Variants in LZIC observed in about 807,000 individuals in gnomAD.
LZIC encodes the protein leucine zipper and CTNNBIP1 domain containing.
In LZIC, 28 loss-of-function variants were observed where a neutral mutation model predicts 25.4. The observed-to-expected ratio is 1.10, with a 90% CI of 0.82 to 1.51. LZIC has a LOEUF of 1.51. Among genes scored for constraint, LZIC ranks in the 40% most tolerant of loss-of-function variants. The probability of loss-of-function intolerance (pLI) is 0.00; values close to 1 mark genes in which losing one functional copy is unlikely to be tolerated. For missense variants in LZIC, 170 were observed against 211.1 expected, an observed-to-expected ratio of 0.81 and a Z score of 1.21; for synonymous variants, 65 against 70.7, an observed-to-expected ratio of 0.92 and a Z score of 0.40.
At chr1:9,933,998 G>A (rs1640348787) in intron 5 of LZIC, among the ~76,000 whole-genome samples, 1 of 151,858 alleles carries the variant, frequency 6.6e-6, no homozygotes, top group African/African-American at 2.4e-5. Context: ...AGGCTGAGGC[G>A]GGCAGATCAC....
chr1:9,936,006 G>A (rs1485127167), intron 3 of LZIC, among the ~76,000 whole-genome samples: 1 of 151,868 alleles, frequency 6.6e-6, no homozygotes, highest in Non-Finnish European at 1.5e-5. Context: ...GTGCATGCCT[G>A]TAATCCCAGC....
intron 7 of LZIC, among the ~76,000 whole-genome samples, chr1:9,931,233 A>T (rs898446987): frequency 4.0e-5 from 6 of 150,868 alleles, no homozygotes. Flanking sequence ...CACCTAGCTA[A>T]TTTTTTTTCT....
chr1:9,935,651 A>G, intron 3 of LZIC, 24 bp from the exon 4 acceptor site: 2 of 1,576,654 alleles, frequency 1.3e-6, no homozygotes, highest in Non-Finnish European at 1.7e-6. Flanking sequence ...ACATCATGAT[A>G]TGGAAAAATG....
chr1:9,930,076 A>G lies in LZIC; in HGVS notation c.*323T>C, dbSNP rs980936523. 2 of 1,069,338 alleles carry G rather than the reference A, an allele frequency of 1.9e-6. No individual in the cohort carries two copies. Among genetic ancestry groups the G allele is most frequent in the East Asian group, 1.3e-4 (2 of 15,790 alleles). 66.2% of individuals were successfully genotyped at this position (1,069,338 alleles called of 1,614,324 possible). ...ATCATTACTTCACATCTTTTCGTTCACTATCAACACTTAAAAACAAACAGC... is the reference window on the plus strand; with the variant it reads ...ATCATTACTTCACATCTTTTCGTTCGCTATCAACACTTAAAAACAAACAGC... On this transcript the variant is annotated 3_prime_UTR_variant, in exon 8 of 8. Coordinates refer to ENST00000377223, the MANE Select transcript of LZIC (RefSeq NM_032368.5).
rs1056606682 is a variant in LZIC at position 9,930,153 on chromosome 1, A to T, written c.*246T>A. ...TTTCTCTCTTAAACAGACAAATCAT[A>T]ACGAACAGAGTCCAGTGAGTCCCTC... On this transcript the variant is annotated 3_prime_UTR_variant, in exon 8 of 8. Coordinates refer to ENST00000377223, the MANE Select transcript of LZIC (RefSeq NM_032368.5). 144 of 1,253,526 alleles carry T rather than the reference A, an allele frequency of 1.1e-4. No homozygotes were observed. The highest frequency in any genetic ancestry group is 1.4e-4 in the Non-Finnish European group (142 of 992,728). 77.7% of individuals were successfully genotyped at this position (1,253,526 alleles called of 1,614,324 possible).
downstream of LZIC, chr1:9,922,324 G>C (rs560898721): frequency 1.0e-6 from 1 of 985,336 alleles, no homozygotes; most frequent in East Asian, 1.1e-4. Flanking sequence ...TGGGGTGTGA[G>C]TCTAGCAGGT....
chr1:9,942,118 T>C (rs1557448232), intron 2 of LZIC, among the ~76,000 whole-genome samples: 1 of 151,914 alleles, frequency 6.6e-6, no homozygotes, highest in Admixed American at 6.6e-5. Flanking sequence ...GGTTTCACCA[T>C]GTTGTCCAGG....
rs1640027157 is a variant in LZIC at position 9,927,516 on chromosome 1, G to A, written c.*2883C>T. Among the ~76,000 whole-genome samples the A allele has an allele frequency of 6.6e-6, 1 of 150,984 alleles. No homozygotes were observed. Among genetic ancestry groups the A allele is most frequent in the Admixed American group, 6.6e-5 (1 of 15,086 alleles). ...AGGGTTTCACCATGTTGGCCAGGCT[G>A]GTCTCAAATCCTGAGTTCAGGCGAT... On this transcript the variant is annotated 3_prime_UTR_variant, in exon 8 of 8. Transcript: ENST00000377223.
At chr1:9,934,633 T>C in intron 5 of LZIC, 129 bp downstream of exon 5, 1 of 749,982 alleles carries the variant, frequency 1.3e-6, no homozygotes, top group Admixed American at 2.2e-5. Context: ...AAAGTACTAA[T>C]TTTGTCAGAA....
chr1:9,929,190 C>G lies in LZIC; in HGVS notation c.*1209G>C, dbSNP rs1315380071. On this transcript the variant is annotated 3_prime_UTR_variant, in exon 8 of 8. Coordinates refer to ENST00000377223, the MANE Select transcript of LZIC (RefSeq NM_032368.5). ...TGAATTTTATGATATATGAATTTCA[C>G]CTCTTTTAAGTTCCAAATAAGGCAT... 2 of 457,864 alleles carry G rather than the reference C, an allele frequency of 4.4e-6. No individual in the cohort carries two copies. Among genetic ancestry groups the G allele is most frequent in the Non-Finnish European group, 5.7e-6 (2 of 348,060 alleles). The allele number at this position is 457,864 out of a possible 1,614,324, so 28.4% of individuals were successfully genotyped here.
chr1:9,930,457 C>T lies in LZIC; in HGVS notation c.515G>A (p.Gly172Asp). 6.2e-7 allele frequency: 1 copy of T among 1,612,410 alleles called. No individual in the cohort carries two copies. ...SQFEKVSTDL[G>D]SGDKILALAS... ...CAGAGCAAGAATTTTGTCTCCAGAG[C>T]CTAAGAAAAAAGACACATAATAAAC... Residue 172 changes from glycine (G) to aspartate (D), a missense_variant and splice_region_variant, in exon 8 of 8, where the codon GGC (glycine) becomes GAC (aspartate). Physicochemically the swap from Gly to Asp is moderately conservative, Grantham distance 94. Coordinates refer to ENST00000377223, the MANE Select transcript of LZIC (RefSeq NM_032368.5).
chr1:9,926,172 A>C (rs902779593), downstream of LZIC, among the ~76,000 whole-genome samples: 1 of 152,152 alleles, frequency 6.6e-6, no homozygotes, highest in Non-Finnish European at 1.5e-5. Flanking sequence ...GGTGTGAGCC[A>C]CGGCGCCCTG....
rs1640028850 is a variant in LZIC at position 9,927,553 on chromosome 1, T to C, written c.*2846A>G. ...TGAGTTCAGGCGATCCGCCCACCTCTGCCTCCCAGAGTTCTGAGATTACAT... is the reference window on the plus strand; with the variant it reads ...TGAGTTCAGGCGATCCGCCCACCTCCGCCTCCCAGAGTTCTGAGATTACAT... On this transcript the variant is annotated 3_prime_UTR_variant, in exon 8 of 8. Coordinates refer to ENST00000377223, the MANE Select transcript of LZIC (RefSeq NM_032368.5). Among the ~76,000 whole-genome samples, 1 of 151,776 alleles carries C rather than the reference T, an allele frequency of 6.6e-6. No individual in the cohort carries two copies. Among genetic ancestry groups the C allele is most frequent in the South Asian group, 2.1e-4 (1 of 4,806 alleles).
In LZIC at chr1:9,927,646, C is replaced by CTATT. The variant is rs1640031794; in HGVS notation, c.*2749_*2752dup. ...AGATATTCCTAATTTTTCTGGTCTA[C>CTATT]TATTGCAGGGTAAGGGAAGAATCTT... On this transcript the variant is annotated 3_prime_UTR_variant, in exon 8 of 8. Coordinates refer to ENST00000377223, the MANE Select transcript of LZIC (RefSeq NM_032368.5). Among the ~76,000 whole-genome samples, 1 of 147,408 alleles carries CTATT rather than the reference C, an allele frequency of 6.8e-6. No individual in the cohort carries two copies. Among genetic ancestry groups the CTATT allele is most frequent in the African/African-American group, 2.5e-5 (1 of 40,178 alleles).
At chr1:9,943,075 C>T (rs1640842810) in intron 1 of LZIC, 174 bp downstream of exon 1, 2 of 264,486 alleles carry the variant, frequency 7.6e-6, no homozygotes, top group East Asian at 1.7e-4. Context: ...GGGTTTGGCC[C>T]AGAACCAACA....
rs550002629 is a variant in LZIC at position 9,932,101 on chromosome 1, TGG to T, written c.433-131_433-130del. 889 of 186,560 alleles carry T rather than the reference TGG, an allele frequency of 4.8e-3. 33 individuals are homozygous for T. The highest frequency in any genetic ancestry group is 0.027 in the African/African-American group (565 of 20,734). The allele number at this position is 186,560 out of a possible 1,614,324, so 11.6% of individuals were successfully genotyped here. On this transcript the variant is annotated intron_variant, in intron 6 of 7. Coordinates refer to ENST00000377223, the MANE Select transcript of LZIC (RefSeq NM_032368.5). ...TGTAATCCCTGCACTTTGGGAGGCG[TGG>T]GGGGGGGGGGGGGGTGGATCACATG...
intron 2 of LZIC, among the ~76,000 whole-genome samples, chr1:9,937,846 TCA>T (rs1557443194): frequency 9.0e-5 from 2 of 22,238 alleles, no homozygotes; most frequent in Non-Finnish European, 1.6e-4. Flanking sequence ...AGACCCTGAC[TCA>T]AAAAAAAAAA....
At chr1:9,936,089 A>G (rs562507819) in intron 3 of LZIC, among the ~76,000 whole-genome samples, 4 of 150,952 alleles carry the variant, frequency 2.6e-5, no homozygotes, top group South Asian at 2.1e-4. Context: ...AGATCTCGCC[A>G]CTGCACTCCA....
downstream of LZIC, chr1:9,922,489 G>A: frequency 4.7e-6 from 1 of 214,336 alleles, no homozygotes; most frequent in Non-Finnish European, 8.0e-6. Flanking sequence ...GCTCCAGGGG[G>A]TAGACCGAAC....
Sources: allele counts gnomAD v4.1 joint callset (sites outside exome capture counted in the v4.1 genomes callset), GRCh38; gene constraint gnomAD v4.1.1; transcripts MANE v1.5; gene names NCBI Gene and HGNC (gene_info 2026-07-23, HGNC 2026-07-21).